TMED5: variants seen among roughly 807,000 people sequenced by gnomAD.
TMED5 encodes transmembrane emp24 domain-containing protein 5.
TMED5 carries 27 observed loss-of-function variants against 23.0 expected under a neutral mutation model. The ratio of observed to expected loss-of-function variants is 1.17; its 90% CI spans 0.86 to 1.62. The LOEUF is 1.62. Among genes scored for constraint, TMED5 ranks in the 40% most tolerant of loss-of-function variants. The pLI, the probability that TMED5 is intolerant of heterozygous loss-of-function variation, is 0.00. For synonymous variants in TMED5, 97 were observed against 100.8 expected (o/e 0.96, Z 0.23); for missense variants, 248 against 273.7 (o/e 0.91, Z 0.66).
In TMED5 at chr1:93,162,855, G is replaced by A. The variant is rs142953918; in HGVS notation, c.190-2629C>T. 8 of 152,206 alleles carry A rather than the reference G, an allele frequency of 5.3e-5. No individual in the cohort carries two copies. The East Asian group carries it at 1.5e-3, about 29-fold the overall frequency. 9.4% of individuals were successfully genotyped at this position (152,206 alleles called of 1,614,324 possible). ...TAACATTAGATGGAAAAAAATAATG[G>A]AGCCATGTAGTCAATGTTCCCAAGT... On this transcript the variant is annotated intron_variant, in intron 1 of 3. Transcript: ENST00000370282.
Position 93,154,829 on chromosome 1 carries a change from A to C in TMED5, c.531T>G (p.Leu177=). 6.2e-7 allele frequency: 1 copy of C among 1,614,042 alleles called. No individual in the cohort carries two copies. Among genetic ancestry groups the C allele is most frequent in the East Asian group, 2.2e-5 (1 of 44,878 alleles). The change falls in exon 4 of 4, where the codon CTT becomes CTG. Residue 177 remains leucine, a synonymous_variant. Transcript: ENST00000370282. The part of the protein sequence containing the change: ...LSKSGHIQTL[L]RAFEARDRNI... ...TTCGATCACGAGCTTCAAATGCTCTAAGCAGAGTTTGTATGTGCCCACTTT... is the reference window on the plus strand; with the variant it reads ...TTCGATCACGAGCTTCAAATGCTCTCAGCAGAGTTTGTATGTGCCCACTTT...
At chr1:93,177,128 G>C (rs954010212) in intron 1 of TMED5, among the ~76,000 whole-genome samples, 1 of 152,132 alleles carries the variant, frequency 6.6e-6, no homozygotes, top group South Asian at 2.1e-4. Context: ...AAAATTAGTA[G>C]GATGTAGTTA....
At chr1:93,165,557 T>A (rs546425711) in intron 1 of TMED5, among the ~76,000 whole-genome samples, 68 of 152,350 alleles carry the variant, frequency 4.5e-4, no homozygotes, top group African/African-American at 1.6e-3. Flanking sequence ...CAAATTTTTT[T>A]AAAATTTTAA....
intron 2 of TMED5, among the ~76,000 whole-genome samples, chr1:93,158,039 G>A (rs966806988): frequency 6.6e-6 from 1 of 151,348 alleles, no homozygotes; most frequent in Non-Finnish European, 1.5e-5. Flanking sequence ...CAGGAGAATG[G>A]CGTGAACCCA....
At chr1:93,170,716 T>C (rs1648695484) in intron 1 of TMED5, among the ~76,000 whole-genome samples, 1 of 152,184 alleles carries the variant, frequency 6.6e-6, no homozygotes, top group Non-Finnish European at 1.5e-5. Flanking sequence ...ACTTGGAGAA[T>C]CTTTATGTCT....
intron 1 of TMED5, among the ~76,000 whole-genome samples, chr1:93,165,418 G>C (rs1648462360): frequency 6.6e-6 from 1 of 152,152 alleles, no homozygotes; most frequent in Non-Finnish European, 1.5e-5. Flanking sequence ...TACAACATGT[G>C]GATAAGTGAA....
At chr1:93,161,832 G>C (rs939495971) in intron 1 of TMED5, 1 of 152,086 alleles carries the variant, frequency 6.6e-6, no homozygotes, top group Non-Finnish European at 1.5e-5. Context: ...TGAAAATTTT[G>C]TTCACTATTT....
rs916220047 is a variant in TMED5, at chr1:93,151,664, T to C, written c.*3006A>G. ...AACTGTACCTTTTAGGAACAGTGCA[T>C]GTTTAGGCAACAGGTGAATAAGTAC... On this transcript the variant is annotated 3_prime_UTR_variant, in exon 4 of 4. Transcript: ENST00000370282. The C allele has an allele frequency of 1.3e-5, 2 of 152,216 alleles. No individual in the cohort carries two copies. Among genetic ancestry groups the C allele is most frequent in the Admixed American group, 1.3e-4 (2 of 15,288 alleles). The allele number at this position is 152,216 out of a possible 1,614,324, so 9.4% of individuals were successfully genotyped here. A position where few individuals can be genotyped will look rare whatever the true frequency, so the allele number is the denominator to read the frequency against.
chr1:93,169,797 C>T (rs1338844756), intron 1 of TMED5, among the ~76,000 whole-genome samples: 1 of 151,730 alleles, frequency 6.6e-6, no homozygotes, highest in East Asian at 1.9e-4. Context: ...CCTGTAATCT[C>T]AGCACTTTGG....
chr1:93,161,213 C>G (rs997116593), intron 1 of TMED5: 2 of 151,990 alleles, frequency 1.3e-5, no homozygotes, highest in African/African-American at 4.8e-5. Flanking sequence ...TCCTATTATT[C>G]TCATTTTAGT....
At chr1:93,176,533 AT>A in intron 1 of TMED5, among the ~76,000 whole-genome samples, 1 of 152,028 alleles carries the variant, frequency 6.6e-6, no homozygotes, top group African/African-American at 2.4e-5. Context: ...ACACAAACAT[AT>A]ATATATATAT....
In TMED5 at chr1:93,152,564, TAAG is replaced by T. The variant is rs1236359007; in HGVS notation, c.*2103_*2105del. 1.3e-5 allele frequency: 2 copies of T among 152,612 alleles called. No individual in the cohort carries two copies. Among genetic ancestry groups the T allele is most frequent in the Admixed American group, 1.3e-4 (2 of 15,280 alleles). The allele number at this position is 152,612 out of a possible 1,614,324, so 9.5% of individuals were successfully genotyped here. On this transcript the variant is annotated 3_prime_UTR_variant, in exon 4 of 4. Transcript: ENST00000370282. The stretch of plus-strand genomic sequence containing the variant: ...TAAAGCAATTATCGTTTTTATATGG[TAAG>T]AAGTTACTGAATCATAGGTTTAAGA...
At chr1:93,179,976 A>C in intron 1 of TMED5, 78 bp downstream of exon 1, 4 of 1,440,652 alleles carry the variant, frequency 2.8e-6, no homozygotes, top group Non-Finnish European at 2.8e-6. Context: ...GTCCACCAGA[A>C]GTTTCTAAAC....
intron 2 of TMED5, among the ~76,000 whole-genome samples, chr1:93,159,747 A>G (rs1326585416): frequency 6.6e-6 from 1 of 152,188 alleles, no homozygotes; most frequent in African/African-American, 2.4e-5. Context: ...ATGGACAAAA[A>G]TGGCATATAG....
At chr1:93,180,004 G>C (rs377329443) in intron 1 of TMED5, 50 bp downstream of exon 1, 2 of 1,555,054 alleles carry the variant, frequency 1.3e-6, no homozygotes, top group African/African-American at 2.8e-5. Flanking sequence ...AGGCGACAAC[G>C]CAGTGCAGCT....
At position 93,154,529 on chromosome 1, in the gene TMED5, A is replaced by C; in HGVS notation, c.*141T>G. On this transcript the variant is annotated 3_prime_UTR_variant, in exon 4 of 4. Transcript: ENST00000370282. ...TTACTTGCACAGAAAGTGAAGACTT[A>C]ATTTTCACATTAAAATTATACCTGT... The C allele has an allele frequency of 1.6e-6, 1 of 630,702 alleles. No individual in the cohort carries two copies. The highest frequency in any genetic ancestry group is 2.0e-5 in the South Asian group (1 of 48,906). 39.1% of individuals were successfully genotyped at this position (630,702 alleles called of 1,614,324 possible).
rs1277970548 is a variant in TMED5, at chr1:93,150,628, T to C, written c.*4042A>G. ...GCATCCTAGCAAAACAACTCTAAAATTTATCATTTGGAACTGTCTTTTCTT... is the reference window on the plus strand; with the variant it reads ...GCATCCTAGCAAAACAACTCTAAAACTTATCATTTGGAACTGTCTTTTCTT... On this transcript the variant is annotated 3_prime_UTR_variant, in exon 4 of 4. Transcript: ENST00000370282. The C allele has an allele frequency of 6.6e-6, 1 of 152,214 alleles. No individual in the cohort carries two copies. Among genetic ancestry groups the C allele is most frequent in the African/African-American group, 2.4e-5 (1 of 41,454 alleles). 9.4% of individuals were successfully genotyped at this position (152,214 alleles called of 1,614,324 possible). A position where few individuals can be genotyped will look rare whatever the true frequency, so the allele number is the denominator to read the frequency against.
Position 93,168,164 on chromosome 1 carries a change from A to C in TMED5, c.190-7938T>G, listed in dbSNP as rs1173852409. On this transcript the variant is annotated intron_variant, in intron 1 of 3. Coordinates refer to ENST00000370282, the MANE Select transcript of TMED5 (RefSeq NM_016040.5). The stretch of plus-strand genomic sequence containing the variant: ...TAAGTATAATTGATATGTTGAGAAG[A>C]GAGAAAGTAGAATTATATAAAATGT... 5.3e-5 allele frequency among the ~76,000 whole-genome samples: 8 copies of C among 152,344 alleles called. No individual in the cohort carries two copies. The South Asian group carries it at 1.7e-3, about 32-fold the overall frequency.
In TMED5 at chr1:93,180,382, A is replaced by T; in HGVS notation, c.-140T>A. On this transcript the variant is annotated 5_prime_UTR_variant, in exon 1 of 4. Coordinates refer to ENST00000370282, the MANE Select transcript of TMED5 (RefSeq NM_016040.5). ...CAGGTGGCGGCCGCGGCGGCGGCGA[A>T]CACTCCCTCCGAAAGAGAAGCGCAG... 1 of 1,257,380 alleles carries T rather than the reference A, an allele frequency of 8.0e-7. No individual in the cohort carries two copies. Among genetic ancestry groups the T allele is most frequent in the Non-Finnish European group, 1.1e-6 (1 of 916,230 alleles). 77.9% of individuals were successfully genotyped at this position (1,257,380 alleles called of 1,614,324 possible).
Sources: allele counts gnomAD v4.1 joint callset (sites outside exome capture counted in the v4.1 genomes callset), GRCh38; gene constraint gnomAD v4.1.1; transcripts MANE v1.5; gene names NCBI Gene and HGNC (gene_info 2026-07-23, HGNC 2026-07-21).